AXDND1: variants seen among roughly 807,000 people sequenced by gnomAD.
AXDND1 encodes the protein axonemal dynein light chain domain containing 1.
AXDND1 carries 110 observed loss-of-function variants against 137.5 expected under a neutral mutation model. The observed-to-expected ratio is 0.80, with a 90% CI of 0.69 to 0.94. The LOEUF is 0.94. AXDND1 is among the 40% of genes least tolerant of loss of function. AXDND1 has a pLI of 0.00. For missense variants in AXDND1, 1,191 were observed against 1,169.8 expected (o/e 1.02, Z -0.26); for synonymous variants, 414 against 399.7 (o/e 1.04, Z -0.43).
intron 8 of AXDND1, among the ~76,000 whole-genome samples, chr1:179,384,194 A>T (rs1198593531): frequency 6.6e-6 from 1 of 152,092 alleles, no homozygotes; most frequent in East Asian, 1.9e-4. Context: ...TGTAACCTTT[A>T]CCCGGATTCT....
Position 179,457,042 on chromosome 1 carries a change from T to G in AXDND1, c.1799-11401T>G, listed in dbSNP as rs1033867693. ...TCTTTTTCACAGTTAAGTGGGCACCTGGTCTTTGAGAATCTTCTCTTGAGA... is the reference window on the plus strand; with the variant it reads ...TCTTTTTCACAGTTAAGTGGGCACCGGGTCTTTGAGAATCTTCTCTTGAGA... On this transcript the variant is annotated intron_variant, in intron 16 of 25. Coordinates refer to ENST00000367618, the MANE Select transcript of AXDND1 (RefSeq NM_144696.6). 5.1e-6 allele frequency: 6 copies of G among 1,170,318 alleles called. No individual in the cohort carries two copies. The African/African-American group carries it at 7.4e-5, about 14-fold the overall frequency. 72.5% of individuals were successfully genotyped at this position (1,170,318 alleles called of 1,614,324 possible).
At chr1:179,535,089 G>A (rs775626079) in intron 25 of AXDND1, 127 bp downstream of exon 25, 3 of 1,389,458 alleles carry the variant, frequency 2.2e-6, no homozygotes, top group East Asian at 4.7e-5. Context: ...ACTTCTCATA[G>A]GAATGTGCAT....
At chr1:179,549,232 CA>C (rs1231219859) in intron 25 of AXDND1, among the ~76,000 whole-genome samples, 3 of 152,192 alleles carry the variant, frequency 2.0e-5, no homozygotes, top group Non-Finnish European at 2.9e-5. Flanking sequence ...GCACCTGGGT[CA>C]GCTCACCTAG....
intron 25 of AXDND1, among the ~76,000 whole-genome samples, chr1:179,539,102 C>G (rs1443874718): frequency 6.6e-6 from 1 of 152,072 alleles, no homozygotes; most frequent in African/African-American, 2.4e-5. Context: ...GGAGATGGGT[C>G]TCCTGAATAC....
intron 25 of AXDND1, among the ~76,000 whole-genome samples, chr1:179,538,825 C>T (rs1331690256): frequency 2.0e-5 from 3 of 152,106 alleles, no homozygotes; most frequent in Admixed American, 1.3e-4. Flanking sequence ...GTGTGGGAGT[C>T]TAAGTCTCTT....
chr1:179,462,697 T>C (rs1662532355), intron 16 of AXDND1, among the ~76,000 whole-genome samples: 1 of 152,188 alleles, frequency 6.6e-6, no homozygotes, highest in Non-Finnish European at 1.5e-5. Flanking sequence ...CTATTAATTA[T>C]TGCCTCAATT....
intron 9 of AXDND1, among the ~76,000 whole-genome samples, chr1:179,388,301 A>G (rs1249824648): frequency 6.6e-6 from 1 of 152,214 alleles, no homozygotes; most frequent in Non-Finnish European, 1.5e-5. Flanking sequence ...TATCTATACC[A>G]TAATTCACTA....
intron 20 of AXDND1, among the ~76,000 whole-genome samples, chr1:179,507,779 A>T (rs201060692): frequency 5.3e-5 from 1 of 18,698 alleles, no homozygotes; most frequent in Non-Finnish European, 2.0e-4. Flanking sequence ...CAGCTTCATT[A>T]AAAAAAAAAA....
At chr1:179,471,751 C>T (rs1390786521) in intron 17 of AXDND1, among the ~76,000 whole-genome samples, 1 of 128,660 alleles carries the variant, frequency 7.8e-6, no homozygotes, top group African/African-American at 3.4e-5. Context: ...ACTTTCTTTA[C>T]ATTTAGTTTA....
intron 21 of AXDND1, among the ~76,000 whole-genome samples, chr1:179,520,383 C>T (rs1233631827): frequency 6.6e-6 from 1 of 152,088 alleles, no homozygotes; most frequent in Non-Finnish European, 1.5e-5. Flanking sequence ...TAGGACCAGC[C>T]CTCATCACTG....
chr1:179,507,665 A>T (rs1192415473), intron 20 of AXDND1, among the ~76,000 whole-genome samples: 2 of 152,132 alleles, frequency 1.3e-5, no homozygotes, highest in Non-Finnish European at 2.9e-5. Flanking sequence ...TCACCATGGA[A>T]ATCAGAAATT....
Position 179,445,179 on chromosome 1 carries a change from T to C in AXDND1, c.1773T>C (p.Tyr591=), listed in dbSNP as rs1299679924. The change falls in exon 16 of 26, where the codon TAT becomes TAC. Residue 591 remains tyrosine (Y), a synonymous_variant. Transcript: ENST00000367618. ...ACATACAAAAACTCTACAAAGAATA[T>C]GAAATAAGAATAAATGGGGACAATG... ...IKNIQKLYKE[Y]EIRINGDNGY... 1.9e-6 allele frequency: 3 copies of C among 1,596,208 alleles called. No homozygotes were observed. In the South Asian group the frequency reaches 3.4e-5, roughly 18 times the overall value.
At chr1:179,507,223 T>TCC (rs1486295842) in intron 20 of AXDND1, among the ~76,000 whole-genome samples, 1 of 152,208 alleles carries the variant, frequency 6.6e-6, no homozygotes, top group African/African-American at 2.4e-5. Flanking sequence ...AACCAAGCTA[T>TCC]CCTGGTCTAT....
chr1:179,540,730 G>A (rs1443236888), intron 25 of AXDND1, among the ~76,000 whole-genome samples: 4 of 152,208 alleles, frequency 2.6e-5, no homozygotes, highest in African/African-American at 7.2e-5. Flanking sequence ...CATGCTGGGA[G>A]AACCACTGCT....
At chr1:179,395,911 G>A (rs997746121) in intron 11 of AXDND1, among the ~76,000 whole-genome samples, 1 of 152,188 alleles carries the variant, frequency 6.6e-6, no homozygotes, top group Non-Finnish European at 1.5e-5. Flanking sequence ...GTTCACGCCT[G>A]TAATCCCAGC....
chr1:179,411,635 A>T (rs1653915429), intron 12 of AXDND1, among the ~76,000 whole-genome samples: 1 of 151,136 alleles, frequency 6.6e-6, no homozygotes, highest in Non-Finnish European at 1.5e-5. Flanking sequence ...TTATTCTTGC[A>T]TTTGTTGGGC....
intron 25 of AXDND1, among the ~76,000 whole-genome samples, chr1:179,535,803 T>G (rs375565772): frequency 1.3e-5 from 2 of 152,194 alleles, no homozygotes; most frequent in East Asian, 3.8e-4. Context: ...CGCCACACTG[T>G]CTTCCACAAT....
chr1:179,482,746 AG>A (rs1451857840), intron 17 of AXDND1, among the ~76,000 whole-genome samples: 1 of 151,856 alleles, frequency 6.6e-6, no homozygotes, highest in Non-Finnish European at 1.5e-5. Context: ...GGTGGTGGAA[AG>A]GGCAGCCTTG....
At chr1:179,368,022 G>T (rs938942421) in intron 2 of AXDND1, among the ~76,000 whole-genome samples, 1 of 151,470 alleles carries the variant, frequency 6.6e-6, no homozygotes, top group Non-Finnish European at 1.5e-5. Flanking sequence ...AGGAGATTTG[G>T]TAATGTAAAC....
Sources: allele counts gnomAD v4.1 joint callset (sites outside exome capture counted in the v4.1 genomes callset), GRCh38; gene constraint gnomAD v4.1.1; transcripts MANE v1.5; gene names NCBI Gene and HGNC (gene_info 2026-07-23, HGNC 2026-07-21).